The following BRCA2 variants were observed in gnomAD, a reference collection of about 807,000 sequenced individuals.
BRCA2 encodes BRCA2 DNA repair associated.
In BRCA2, 203 loss-of-function variants were observed where a neutral mutation model predicts 276.7. That is an observed-to-expected ratio of 0.73 (90% CI 0.65 to 0.82). The LOEUF (loss-of-function observed/expected upper bound fraction) is 0.82, where lower values mean the gene tolerates loss of function less well. Ranked by LOEUF, BRCA2 falls within the 40% of genes least tolerant of loss-of-function variation. BRCA2 has a pLI of 0.00. For missense variants in BRCA2, 3,920 were observed against 3,915.0 expected (o/e 1.00, Z -0.03); for synonymous variants, 1,289 against 1,338.4 (o/e 0.96, Z 0.81).
chr13:32,386,632 T>C (rs1044058688), intron 24 of BRCA2, among the ~76,000 whole-genome samples: 1 of 151,696 alleles, frequency 6.6e-6, no homozygotes, highest in Non-Finnish European at 1.5e-5. Flanking sequence ...AATACTGGAC[T>C]TACACTAAAA....
chr13:32,358,037 A>G, intron 16 of BRCA2, 108 bp downstream of exon 16: 2 of 1,211,610 alleles, frequency 1.7e-6, no homozygotes, highest in Non-Finnish European at 2.4e-6. Flanking sequence ...TCAAATTTTT[A>G]TGCATTTAAT....
At chr13:32,367,165 T>G (rs2072788703) in intron 18 of BRCA2, among the ~76,000 whole-genome samples, 1 of 152,172 alleles carries the variant, frequency 6.6e-6, no homozygotes, top group East Asian at 1.9e-4. Flanking sequence ...CTGGGCACAC[T>G]GGCCCACACC....
In BRCA2 at chr13:32,346,872, A is replaced by C. The variant is rs201500887; in HGVS notation, c.6983A>C (p.Glu2328Ala). 6.2e-7 allele frequency: 1 copy of C among 1,610,644 alleles called. No individual in the cohort carries two copies. Among genetic ancestry groups the C allele is most frequent in the East Asian group, 2.2e-5 (1 of 44,688 alleles). ...TTGTTTATGCATCATGTTTCTTTAG[A>C]GCCGATTACCTGTGTACCCTTTCGG... is the stretch of plus-strand genomic sequence containing the variant. ...RRLFMHHVSLEPITCVPFRTT... is the reference protein window; with the variant it reads ...RRLFMHHVSLAPITCVPFRTT... Residue 2328 changes from glutamate to alanine, a missense_variant, in exon 13 of 27, where the codon GAG becomes GCG. Transcript: ENST00000380152.
intron 3 of BRCA2, among the ~76,000 whole-genome samples, chr13:32,323,916 A>G (rs1039097727): frequency 6.6e-6 from 1 of 152,236 alleles, no homozygotes; most frequent in Non-Finnish European, 1.5e-5. Flanking sequence ...TGGATTTCAT[A>G]TTGTTAAAGC....
intron 20 of BRCA2, among the ~76,000 whole-genome samples, chr13:32,373,151 C>A (rs1388851448): frequency 1.3e-5 from 2 of 151,830 alleles, no homozygotes; most frequent in African/African-American, 4.8e-5. Flanking sequence ...ACCACCATGC[C>A]CAGCTAATTT....
chr13:32,341,736 C>T (rs377564711), intron 11 of BRCA2, among the ~76,000 whole-genome samples: 3 of 151,248 alleles, frequency 2.0e-5, no homozygotes, highest in African/African-American at 7.2e-5. Context: ...GGCGTAGTGG[C>T]GGGCGCCTGT....
At chr13:32,397,129 T>TA in intron 26 of BRCA2, 85 bp downstream of exon 26, 2 of 1,406,206 alleles carry the variant, frequency 1.4e-6, no homozygotes, top group Non-Finnish European at 2.0e-6. Flanking sequence ...GTAAACATGG[T>TA]AAAATGTAAT....
At chr13:32,396,792 T>C in intron 25 of BRCA2, 106 bp from the exon 26 acceptor site, 1 of 1,422,016 alleles carries the variant, frequency 7.0e-7, no homozygotes, top group East Asian at 2.3e-5. Context: ...TTTTTCATTC[T>C]TTTTTGGTCC....
intron 20 of BRCA2, among the ~76,000 whole-genome samples, chr13:32,371,346 C>T (rs973424063): frequency 6.6e-6 from 1 of 151,946 alleles, no homozygotes; most frequent in African/African-American, 2.4e-5. Flanking sequence ...GTGGCTTTTG[C>T]ATTTTTGTCA....
In BRCA2 at chr13:32,336,452, G is replaced by A. The variant is rs80358486; in HGVS notation, c.2097G>A (p.Gln699=). The A allele has an allele frequency of 3.1e-6, 5 of 1,613,930 alleles. No individual in the cohort carries two copies. Among genetic ancestry groups the A allele is most frequent in the African/African-American group, 1.3e-5 (1 of 75,006 alleles). Residue 699 remains glutamine (Q), a synonymous_variant, in exon 11 of 27, where the codon CAG becomes CAA. Coordinates refer to ENST00000380152, the MANE Select transcript of BRCA2 (RefSeq NM_000059.4). Reference sequence around the variant, plus strand: ...CAAAATGTAATAAGGAAAAACTACAGTTATTTATTACCCCAGAAGCTGATT... The same window carrying A: ...CAAAATGTAATAAGGAAAAACTACAATTATTTATTACCCCAGAAGCTGATT... ...KEAKCNKEKL[Q]LFITPEADSL...
At position 32,340,369 on chromosome 13, in the gene BRCA2, A is replaced by G. The variant is rs876658259; in HGVS notation, c.6014A>G (p.Asp2005Gly). The G allele has an allele frequency of 2.5e-6, 4 of 1,613,978 alleles. No individual in the cohort carries two copies. Among genetic ancestry groups the G allele is most frequent in the Non-Finnish European group, 3.4e-6 (4 of 1,179,890 alleles). ...AGACAAGTGTTTTCTGAAATAGAAG[A>G]TAGTACCAAGCAAGTCTTTTCCAAA... The part of the protein sequence containing the change: ...NARQVFSEIE[D>G]STKQVFSKVL... The change falls in exon 11 of 27, where the codon GAT becomes GGT. Residue 2005 changes from aspartate (D) to glycine (G), a missense_variant. Asp to Gly is a moderately conservative substitution (Grantham distance 94). Around this residue, in one of 2 missense-constraint regions of BRCA2, gnomAD observed 3,263 missense variants for 3,156.9 expected, o/e 1.03. Transcript: ENST00000380152.
rs559526598 is a variant in BRCA2 at position 32,335,364 on chromosome 13, G to T, written c.1910-901G>T. Among the ~76,000 whole-genome samples, 494 of 143,516 alleles carry T rather than the reference G, an allele frequency of 3.4e-3. 3 individuals are homozygous for T. The highest frequency in any genetic ancestry group is 5.3e-3 in the Admixed American group (76 of 14,376). The allele number at this position is 143,516 out of a possible 152,430, so 94.2% of individuals were successfully genotyped here. ...CATCTCAAAAAAAAAAAAAAAAAAA[G>T]CTAATACATGTGATCACTGATGAAA... On this transcript the variant is annotated intron_variant, in intron 10 of 26. Transcript: ENST00000380152.
chr13:32,366,563 T>C (rs1369929921), intron 18 of BRCA2, among the ~76,000 whole-genome samples: 2 of 152,284 alleles, frequency 1.3e-5, no homozygotes, highest in Admixed American at 1.3e-4. Context: ...GGCTCACACC[T>C]ATAATCCCAG....
intron 13 of BRCA2, among the ~76,000 whole-genome samples, chr13:32,353,878 C>T (rs2072669094): frequency 6.6e-6 from 1 of 152,088 alleles, no homozygotes; most frequent in Non-Finnish European, 1.5e-5. Context: ...TGTGAAACAT[C>T]AAGGTACAGA....
rs80358620 is a variant in BRCA2 at position 32,338,140 on chromosome 13, C to A, written c.3785C>A (p.Ser1262Ter). Residue 1262 changes from serine to a stop codon, truncating the protein, a stop_gained, in exon 11 of 27, where the codon TCA becomes TAA. Coordinates refer to ENST00000380152, the MANE Select transcript of BRCA2 (RefSeq NM_000059.4). LOFTEE classifies it high-confidence loss of function. Reference sequence around the variant, plus strand: ...GAGGTACATCCAATAAGTTTATCTTCAAGTAAATGTCATGATTCTGTTGTT... The same window carrying A: ...GAGGTACATCCAATAAGTTTATCTTAAAGTAAATGTCATGATTCTGTTGTT... ...SAEVHPISLSSSKCHDSVVSM... is the reference protein window; with the variant it reads ...SAEVHPISLS 1 of 1,602,562 alleles carries A rather than the reference C, an allele frequency of 6.2e-7. No homozygotes were observed. Among genetic ancestry groups the A allele is most frequent in the South Asian group, 1.1e-5 (1 of 88,800 alleles).
chr13:32,382,523 G>A (rs943603115), intron 24 of BRCA2, among the ~76,000 whole-genome samples: 5 of 152,180 alleles, frequency 3.3e-5, no homozygotes, highest in Non-Finnish European at 7.3e-5. Flanking sequence ...CTATTTCATA[G>A]AATTGATAAT....
intron 18 of BRCA2, among the ~76,000 whole-genome samples, chr13:32,369,109 A>G (rs1330779274): frequency 6.6e-6 from 1 of 151,748 alleles, no homozygotes; most frequent in Non-Finnish European, 1.5e-5. Flanking sequence ...CGCCCGGCCC[A>G]GTTTTGTTTT....
At chr13:32,347,616 T>C (rs985671123) in intron 13 of BRCA2, among the ~76,000 whole-genome samples, 1 of 152,110 alleles carries the variant, frequency 6.6e-6, no homozygotes, top group African/African-American at 2.4e-5. Flanking sequence ...CCAGGCACAA[T>C]TGAGGGAAAG....
chr13:32,368,967 C>CGGT (rs2072808678), intron 18 of BRCA2, among the ~76,000 whole-genome samples: 21 of 151,850 alleles, frequency 1.4e-4, no homozygotes, highest in African/African-American at 5.1e-4. Context: ...CCTGCCACCA[C>CGGT]CCCTGGCTAA....
Sources: allele counts gnomAD v4.1 joint callset (sites outside exome capture counted in the v4.1 genomes callset), GRCh38; gene constraint gnomAD v4.1.1; regional missense constraint gnomAD v4.1.1; transcripts MANE v1.5; gene names NCBI Gene and HGNC (gene_info 2026-07-23, HGNC 2026-07-21).